The following IGSF21 variants were observed in gnomAD, a reference collection of about 807,000 sequenced individuals.
The protein encoded by IGSF21 is immunoglobulin superfamily member 21.
In IGSF21, 28 loss-of-function variants were observed where a neutral mutation model predicts 46.8. That is an observed-to-expected ratio of 0.60 (90% CI 0.44 to 0.82). The LOEUF (loss-of-function observed/expected upper bound fraction) is 0.82, where lower values mean the gene tolerates loss of function less well. Ranked by LOEUF, IGSF21 falls within the 40% of genes least tolerant of loss-of-function variation. The pLI, the probability that IGSF21 is intolerant of heterozygous loss-of-function variation, is 0.00. For missense variants in IGSF21, 624 were observed against 665.5 expected, an observed-to-expected ratio of 0.94 and a Z score of 0.69; for synonymous variants, 284 against 273.6, an observed-to-expected ratio of 1.04 and a Z score of -0.38.
intron 2 of IGSF21, among the ~76,000 whole-genome samples, chr1:18,280,287 G>A (rs1337614060): frequency 6.6e-6 from 1 of 152,072 alleles, no homozygotes; most frequent in South Asian, 2.1e-4. Flanking sequence ...CAAGTTTGCA[G>A]CCCTGAAAGA....
In IGSF21 at chr1:18,365,720, C is replaced by A; in HGVS notation, c.1015+23C>A. On this transcript the variant is annotated intron_variant, in intron 6 of 9. Coordinates refer to ENST00000251296, the MANE Select transcript of IGSF21 (RefSeq NM_032880.5). This position sits in a 1 kb window ranked among gnomAD's most constrained non-coding sequence, Gnocchi z 4.8. ...TGGGTAAGACTTGGTGGGGGCCCTT[C>A]TGTAGAGCCCTTGCAGACCTGGGTG... 1.3e-6 allele frequency: 2 copies of A among 1,577,952 alleles called. No homozygotes were observed. The highest frequency in any genetic ancestry group is 1.2e-5 in the South Asian group (1 of 86,904).
chr1:18,213,598 G>A (rs1370937743), intron 1 of IGSF21, among the ~76,000 whole-genome samples: 2 of 152,174 alleles, frequency 1.3e-5, no homozygotes, highest in Non-Finnish European at 2.9e-5. Flanking sequence ...CAAACTGCAA[G>A]TACTGCCTGA....
At chr1:18,304,716 C>A (rs1430911482) in intron 3 of IGSF21, among the ~76,000 whole-genome samples, 1 of 118,562 alleles carries the variant, frequency 8.4e-6, no homozygotes, top group Non-Finnish European at 1.8e-5. Context: ...CATACACACA[C>A]ACACACACAC....
rs574803394 is a variant in IGSF21, at chr1:18,120,680, G to C, written c.70+12482G>C. Among the ~76,000 whole-genome samples the C allele has an allele frequency of 2.6e-5, 4 of 152,292 alleles. No homozygotes were observed. In the East Asian group the frequency reaches 7.7e-4, roughly 29 times the overall value. ...AACGGTGCCTACTCTGCAGTCCCAG[G>C]CTCCATGGTAGATTTTTCCTGAGCT... is the stretch of plus-strand genomic sequence containing the variant. On this transcript the variant is annotated intron_variant, in intron 1 of 9. Transcript: ENST00000251296.
At chr1:18,255,982 G>T (rs979877830) in intron 2 of IGSF21, among the ~76,000 whole-genome samples, 2 of 152,184 alleles carry the variant, frequency 1.3e-5, no homozygotes, top group African/African-American at 4.8e-5. Flanking sequence ...GCAGCAGCTT[G>T]CCATTGGCCT....
At chr1:18,259,270 G>A (rs947543870) in intron 2 of IGSF21, among the ~76,000 whole-genome samples, 1 of 152,026 alleles carries the variant, frequency 6.6e-6, no homozygotes, top group African/African-American at 2.4e-5. Flanking sequence ...GCTGAATGGG[G>A]CCACTCTAAG....
At chr1:18,236,887 G>A (rs2084677969) in intron 2 of IGSF21, among the ~76,000 whole-genome samples, 1 of 152,328 alleles carries the variant, frequency 6.6e-6, no homozygotes, top group African/African-American at 2.4e-5. Flanking sequence ...ACCTGGGCAA[G>A]GGCAGATTCC....
intron 2 of IGSF21, among the ~76,000 whole-genome samples, chr1:18,268,952 T>C (rs2085016421): frequency 6.6e-6 from 1 of 152,194 alleles, no homozygotes; most frequent in Non-Finnish European, 1.5e-5. Flanking sequence ...CCCAGGTATG[T>C]TGTATAGTAA....
chr1:18,318,852 C>A (rs539852282), intron 3 of IGSF21, among the ~76,000 whole-genome samples: 2 of 152,218 alleles, frequency 1.3e-5, no homozygotes, highest in East Asian at 1.9e-4. Context: ...CAAATCTATA[C>A]GTTTGGCTTT....
At chr1:18,232,112 A>G (rs1026339215) in intron 2 of IGSF21, among the ~76,000 whole-genome samples, 2 of 151,264 alleles carry the variant, frequency 1.3e-5, no homozygotes, top group East Asian at 3.9e-4. Context: ...GCTTTTCACC[A>G]TCCCCCTCTG....
chr1:18,262,368 C>A (rs1235575054), intron 2 of IGSF21, among the ~76,000 whole-genome samples: 4 of 152,306 alleles, frequency 2.6e-5, no homozygotes, highest in African/African-American at 9.6e-5. Flanking sequence ...ATGGGATGAA[C>A]ACTGTGGCAT....
intron 1 of IGSF21, among the ~76,000 whole-genome samples, chr1:18,220,402 C>T (rs1338708738): frequency 3.9e-5 from 6 of 152,082 alleles, no homozygotes; most frequent in Admixed American, 3.9e-4. Flanking sequence ...TCGGGGGAGA[C>T]TTTGGCTCAG....
intron 1 of IGSF21, among the ~76,000 whole-genome samples, chr1:18,134,346 G>A (rs2086349760): frequency 6.6e-6 from 1 of 152,086 alleles, no homozygotes; most frequent in South Asian, 2.1e-4. Flanking sequence ...CATTTGAGCT[G>A]CCAGAGATGT....
At chr1:18,219,926 C>T (rs1180243640) in intron 1 of IGSF21, among the ~76,000 whole-genome samples, 3 of 152,194 alleles carry the variant, frequency 2.0e-5, no homozygotes, top group Non-Finnish European at 2.9e-5. Flanking sequence ...CCTTTGTTAG[C>T]TCCCCTCATG....
intron 1 of IGSF21, among the ~76,000 whole-genome samples, chr1:18,127,583 G>A (rs375609007): frequency 3.9e-5 from 6 of 152,122 alleles, no homozygotes; most frequent in Non-Finnish European, 5.9e-5. Context: ...GCACGTGACC[G>A]CTTTAAGTCT....
chr1:18,201,388 G>A (rs1382328505), intron 1 of IGSF21, among the ~76,000 whole-genome samples: 1 of 152,206 alleles, frequency 6.6e-6, no homozygotes, highest in African/African-American at 2.4e-5. Flanking sequence ...GTGGCTCCAA[G>A]GGCTAATCCA....
intron 4 of IGSF21, among the ~76,000 whole-genome samples, chr1:18,341,323 C>G (rs565003969): frequency 1.9e-4 from 29 of 152,074 alleles, no homozygotes; most frequent in Non-Finnish European, 3.4e-4. Context: ...TCCAGTGTGA[C>G]CTCATCTTAC....
At chr1:18,328,131 A>G (rs1053439363) in intron 3 of IGSF21, among the ~76,000 whole-genome samples, 4 of 152,340 alleles carry the variant, frequency 2.6e-5, no homozygotes, top group South Asian at 2.1e-4. Flanking sequence ...GTGGTCATTT[A>G]AAAGTATAGA....
intron 1 of IGSF21, among the ~76,000 whole-genome samples, chr1:18,181,131 C>T (rs1475316088): frequency 6.6e-6 from 1 of 152,216 alleles, no homozygotes. Context: ...CTCCCCTCCT[C>T]CTAGTCCCCG....
Sources: allele counts gnomAD v4.1 joint callset (sites outside exome capture counted in the v4.1 genomes callset), GRCh38; gene constraint gnomAD v4.1.1; non-coding constraint Gnocchi (gnomAD v3.1); transcripts MANE v1.5; gene names NCBI Gene and HGNC (gene_info 2026-07-23, HGNC 2026-07-21).